Variants in ARID1B observed in about 807,000 individuals in gnomAD.
ARID1B encodes the protein AT-rich interactive domain-containing protein 1B.
ARID1B carries 30 observed loss-of-function variants against 212.3 expected under a neutral mutation model. The ratio of observed to expected loss-of-function variants is 0.14; its 90% CI spans 0.11 to 0.19. The LOEUF is 0.19. Ranked by LOEUF, ARID1B falls within the 10% of genes least tolerant of loss-of-function variation. The pLI is 1.00. For missense variants in ARID1B, 2,891 were observed against 3,204.0 expected, an observed-to-expected ratio of 0.90 and a Z score of 2.36; for synonymous variants, 1,402 against 1,301.7, an observed-to-expected ratio of 1.08 and a Z score of -1.66.
At chr6:157,177,294 G>A (rs1333224204) in intron 11 of ARID1B, among the ~76,000 whole-genome samples, 2 of 152,182 alleles carry the variant, frequency 1.3e-5, no homozygotes, top group African/African-American at 4.8e-5. Flanking sequence ...TGAATGAGAT[G>A]CTAATTCAAA....
chr6:156,953,563 C>G (rs1280697409), intron 4 of ARID1B, among the ~76,000 whole-genome samples: 2 of 152,196 alleles, frequency 1.3e-5, no homozygotes, highest in Admixed American at 6.5e-5. Flanking sequence ...GTTTTACTCT[C>G]TCTGTCTCCT....
chr6:156,854,288 G>C (rs1178804093), intron 2 of ARID1B, among the ~76,000 whole-genome samples: 1 of 152,198 alleles, frequency 6.6e-6, no homozygotes, highest in Non-Finnish European at 1.5e-5. Context: ...GGAATTGCCA[G>C]GGTGAGCTGG....
At chr6:156,976,571 A>G (rs888399306) in intron 4 of ARID1B, among the ~76,000 whole-genome samples, 1 of 151,676 alleles carries the variant, frequency 6.6e-6, no homozygotes, top group South Asian at 2.1e-4. Context: ...AAAGAAAGAA[A>G]GGGGAGAGGG....
intron 2 of ARID1B, among the ~76,000 whole-genome samples, chr6:156,834,151 A>G (rs1783335077): frequency 6.6e-6 from 1 of 152,208 alleles, no homozygotes; most frequent in South Asian, 2.1e-4. Context: ...TGGGGAGAGG[A>G]AGACTGGTTT....
At chr6:157,097,998 G>A (rs930948314) in intron 5 of ARID1B, among the ~76,000 whole-genome samples, 12 of 152,108 alleles carry the variant, frequency 7.9e-5, no homozygotes, top group East Asian at 5.8e-4. Flanking sequence ...TGAATTAGAC[G>A]ATGAATACAA....
chr6:156,785,786 TTG>T (rs1383686368), intron 1 of ARID1B, among the ~76,000 whole-genome samples: 1 of 152,354 alleles, frequency 6.6e-6, no homozygotes, highest in Middle Eastern at 3.4e-3. Flanking sequence ...ACTTCATAGT[TTG>T]TGAGTAAATT....
At chr6:156,942,334 ACAAATTT>A (rs542029679) in intron 4 of ARID1B, 190 of 152,394 alleles carry the variant, frequency 1.2e-3, no homozygotes, top group African/African-American at 4.4e-3. Context: ...AAGTCAGCAT[ACAAATTT>A]TGCCATAACA....
chr6:156,811,907 A>G (rs1332912362), intron 1 of ARID1B, among the ~76,000 whole-genome samples: 1 of 152,214 alleles, frequency 6.6e-6, no homozygotes, highest in African/African-American at 2.4e-5. Context: ...TTCCCCAAAA[A>G]GCATCATGAC....
rs201754014 is a variant in ARID1B, at chr6:157,157,182, G to A, written c.3089+8231G>A. Among the ~76,000 whole-genome samples the A allele has an allele frequency of 8.1e-4, 124 of 152,196 alleles. 2 individuals carry two copies. In the East Asian group the frequency reaches 0.022, roughly 27 times the overall value. On this transcript the variant is annotated intron_variant, in intron 8 of 19. Coordinates refer to ENST00000636930, the MANE Select transcript of ARID1B (RefSeq NM_001374828.1). Reference sequence around the variant, plus strand: ...TGTGCTCACTCGGAGATGGCTCACCGTGACTCGCGCACCACTGTCTATGCC... The same window carrying A: ...TGTGCTCACTCGGAGATGGCTCACCATGACTCGCGCACCACTGTCTATGCC...
At chr6:156,928,239 T>C (rs1359294635) in intron 3 of ARID1B, among the ~76,000 whole-genome samples, 1 of 152,158 alleles carries the variant, frequency 6.6e-6, no homozygotes, top group South Asian at 2.1e-4. Flanking sequence ...TCGGGAGGCA[T>C]TTTCTGAGCA....
Position 156,991,025 on chromosome 6 carries a change from A to G in ARID1B, c.2247+55449A>G, listed in dbSNP as rs565319014. Reference sequence around the variant, plus strand: ...ACATGTATTAACTCATTTAATTTTCATGACATTCCTATGAGGGCTGTTATT... The same window carrying G: ...ACATGTATTAACTCATTTAATTTTCGTGACATTCCTATGAGGGCTGTTATT... On this transcript the variant is annotated intron_variant, in intron 4 of 19. Transcript: ENST00000636930. Among the ~76,000 whole-genome samples, 3 of 152,262 alleles carry G rather than the reference A, an allele frequency of 2.0e-5. No homozygotes were observed. The South Asian group carries it at 6.2e-4, about 32-fold the overall frequency.
intron 15 of ARID1B, 55 bp from the exon 16 acceptor site, chr6:157,196,110 G>A (rs558234059): frequency 6.3e-7 from 1 of 1,589,534 alleles, no homozygotes; most frequent in South Asian, 1.1e-5. Context: ...GGGATGGATG[G>A]GCCTTTGACT....
chr6:156,915,577 TAAAAA>T (rs111379557), intron 3 of ARID1B, among the ~76,000 whole-genome samples: 1 of 137,476 alleles, frequency 7.3e-6, no homozygotes, highest in African/African-American at 2.6e-5. Context: ...CAAAAAAAAT[TAAAAA>T]AAAAAAAAGC....
At chr6:156,987,004 C>T (rs1019888732) in intron 4 of ARID1B, among the ~76,000 whole-genome samples, 3 of 152,184 alleles carry the variant, frequency 2.0e-5, no homozygotes, top group African/African-American at 7.2e-5. Flanking sequence ...CATAGCAAGA[C>T]CCTCATCTCT....
chr6:157,151,854 A>G (rs141154578), intron 8 of ARID1B: 1 of 152,380 alleles, frequency 6.6e-6, no homozygotes, highest in African/African-American at 2.4e-5. Flanking sequence ...AATGCCTGAC[A>G]GAGCTTTTTA....
At chr6:157,188,455 A>C (rs1793132580) in intron 13 of ARID1B, among the ~76,000 whole-genome samples, 1 of 152,212 alleles carries the variant, frequency 6.6e-6, no homozygotes, top group Non-Finnish European at 1.5e-5. Flanking sequence ...ACTCCTTCCC[A>C]GTGTCCTCTG....
rs201038527 is a variant in ARID1B at position 156,901,469 on chromosome 6, C to T, written c.2080C>T (p.Pro694Ser). 1 of 1,614,104 alleles carries T rather than the reference C, an allele frequency of 6.2e-7. No homozygotes were observed. Among genetic ancestry groups the T allele is most frequent in the Non-Finnish European group, 8.5e-7 (1 of 1,180,038 alleles). Residue 694 changes from proline to serine, a missense_variant, in exon 3 of 20, where the codon CCA (proline) becomes TCA (serine). Coordinates refer to ENST00000636930, the MANE Select transcript of ARID1B (RefSeq NM_001374828.1). The stretch of plus-strand genomic sequence containing the variant: ...CCAGCAGCCGCAGCCCCCGCACCTC[C>T]CACCCCAGGCGCAGTATCTGCCGTC... Reference protein sequence around the residue: ...YSQQPQPPHLPPQAQYLPSQS... With the variant: ...YSQQPQPPHLSPQAQYLPSQS...
At chr6:156,914,828 A>G (rs138024011) in intron 3 of ARID1B, among the ~76,000 whole-genome samples, 2,818 of 152,190 alleles carry the variant, frequency 0.019, 43 homozygotes, top group Admixed American at 0.034. Flanking sequence ...TCCCAACAAT[A>G]TGTATGTCAA....
intron 4 of ARID1B, chr6:156,942,257 T>C (rs944213513): frequency 6.6e-6 from 1 of 152,166 alleles, no homozygotes; most frequent in Non-Finnish European, 1.5e-5. Flanking sequence ...ATAAGGATGA[T>C]CTATAGTTGA....
Sources: allele counts gnomAD v4.1 joint callset (sites outside exome capture counted in the v4.1 genomes callset), GRCh38; gene constraint gnomAD v4.1.1; transcripts MANE v1.5; gene names NCBI Gene and HGNC (gene_info 2026-07-23, HGNC 2026-07-21).